Variants in NXPH1 observed in about 807,000 individuals in gnomAD.
NXPH1 encodes the protein neurexophilin 1, also known as neurexophilin-1.
A neutral mutation model predicts 23.7 loss-of-function variants in NXPH1; 5 were observed. That is an observed-to-expected ratio of 0.21 (90% CI 0.11 to 0.44). NXPH1 has a LOEUF of 0.44. Ranked by LOEUF, NXPH1 falls within the 20% of genes least tolerant of loss-of-function variation. The pLI is 0.99. For missense variants in NXPH1, 324 were observed against 321.6 expected (o/e 1.01, Z -0.06); for synonymous variants, 144 against 122.2 (o/e 1.18, Z -1.18).
chr7:8,474,295 A>G (rs1816929772), intron 2 of NXPH1, among the ~76,000 whole-genome samples: 1 of 152,214 alleles, frequency 6.6e-6, no homozygotes, highest in East Asian at 1.9e-4. Context: ...ATCAGTTTCT[A>G]TCAAATGGGT....
chr7:8,716,954 G>A (rs1779888375), intron 2 of NXPH1, among the ~76,000 whole-genome samples: 1 of 152,158 alleles, frequency 6.6e-6, no homozygotes, highest in Admixed American at 6.5e-5. Context: ...GTACAGCAGT[G>A]AGGCTCCAAG....
chr7:8,475,262 G>A (rs1224877951), intron 2 of NXPH1, among the ~76,000 whole-genome samples: 1 of 151,964 alleles, frequency 6.6e-6, no homozygotes, highest in Non-Finnish European at 1.5e-5. Flanking sequence ...TTTGAACCCT[G>A]CTGCTTGGTG....
chr7:8,502,734 G>T (rs1382978986), intron 2 of NXPH1, among the ~76,000 whole-genome samples: 2 of 151,556 alleles, frequency 1.3e-5, no homozygotes, highest in Non-Finnish European at 2.9e-5. Flanking sequence ...TCATTAGGAA[G>T]TGCATAATCA....
At chr7:8,584,727 G>T (rs754434296) in intron 2 of NXPH1, among the ~76,000 whole-genome samples, 3 of 152,194 alleles carry the variant, frequency 2.0e-5, no homozygotes, top group African/African-American at 4.8e-5. Flanking sequence ...GGAGATGGTT[G>T]TTAAGGTTTG....
intron 2 of NXPH1, among the ~76,000 whole-genome samples, chr7:8,515,190 G>A (rs1199866477): frequency 6.6e-6 from 1 of 152,088 alleles, no homozygotes; most frequent in Non-Finnish European, 1.5e-5. Context: ...TCCCATGGGG[G>A]ATGATTGTAA....
At chr7:8,609,312 G>A (rs1247800848) in intron 2 of NXPH1, among the ~76,000 whole-genome samples, 1 of 152,048 alleles carries the variant, frequency 6.6e-6, no homozygotes, top group Non-Finnish European at 1.5e-5. Context: ...ATTATGGCAG[G>A]CACTATACGT....
At chr7:8,492,623 G>T (rs377450737) in intron 2 of NXPH1, among the ~76,000 whole-genome samples, 1 of 152,018 alleles carries the variant, frequency 6.6e-6, no homozygotes, top group Non-Finnish European at 1.5e-5. Flanking sequence ...AACTTCATAT[G>T]CTTTAATATG....
chr7:8,552,362 C>T lies in NXPH1; in HGVS notation c.54+116595C>T, dbSNP rs190984426. The stretch of plus-strand genomic sequence containing the variant: ...TAGCACTTTGTTTGAATGAAAATGG[C>T]TGTCTTAATTTTTTTTTCTTTTCTT... On this transcript the variant is annotated intron_variant, in intron 2 of 2. Coordinates refer to ENST00000405863, the MANE Select transcript of NXPH1 (RefSeq NM_152745.3). Among the ~76,000 whole-genome samples, 18 of 151,440 alleles carry T rather than the reference C, an allele frequency of 1.2e-4. No individual in the cohort carries two copies. In the East Asian group the frequency reaches 3.3e-3, roughly 28 times the overall value.
chr7:8,522,773 C>T (rs1055323604), intron 2 of NXPH1, among the ~76,000 whole-genome samples: 16 of 152,316 alleles, frequency 1.1e-4, no homozygotes, highest in African/African-American at 3.4e-4. Context: ...TGCTTCCCAC[C>T]TCTAGGTCCA....
chr7:8,482,457 T>C (rs1817091236), intron 2 of NXPH1, among the ~76,000 whole-genome samples: 1 of 152,172 alleles, frequency 6.6e-6, no homozygotes, highest in South Asian at 2.1e-4. Flanking sequence ...CTTTAGGTTC[T>C]CTTTTGGGCT....
chr7:8,597,269 T>TA (rs1260106154), intron 2 of NXPH1, among the ~76,000 whole-genome samples: 1 of 151,996 alleles, frequency 6.6e-6, no homozygotes, highest in Non-Finnish European at 1.5e-5. Context: ...TTTTGGCCAT[T>TA]AAAGGGTAAA....
chr7:8,550,339 C>T (rs530704979), intron 2 of NXPH1, among the ~76,000 whole-genome samples: 131 of 151,660 alleles, frequency 8.6e-4, no homozygotes, highest in Middle Eastern at 3.4e-3. Context: ...GTAATAACTT[C>T]ACCAACAACC....
chr7:8,498,582 A>G (rs1339251741), intron 2 of NXPH1, among the ~76,000 whole-genome samples: 1 of 151,968 alleles, frequency 6.6e-6, no homozygotes, highest in East Asian at 1.9e-4. Context: ...TTCTTTTCAT[A>G]TTGAAAATAG....
At chr7:8,668,620 A>T (rs1443842666) in intron 2 of NXPH1, among the ~76,000 whole-genome samples, 3 of 150,224 alleles carry the variant, frequency 2.0e-5, no homozygotes, top group Non-Finnish European at 4.4e-5. Flanking sequence ...ACAAAGGCTG[A>T]TGTACTGGTG....
At chr7:8,687,018 GT>G (rs890010348) in intron 2 of NXPH1, among the ~76,000 whole-genome samples, 39 of 152,232 alleles carry the variant, frequency 2.6e-4, no homozygotes, top group African/African-American at 9.4e-4. Flanking sequence ...GTATGTCATT[GT>G]TCATATAATG....
chr7:8,604,152 A>G (rs1175205459), intron 2 of NXPH1, among the ~76,000 whole-genome samples: 1 of 152,162 alleles, frequency 6.6e-6, no homozygotes, highest in East Asian at 1.9e-4. Flanking sequence ...GGCATTTTCT[A>G]AGTCAGAATC....
rs377641506 is a variant in NXPH1 at position 8,710,788 on chromosome 7, C to G, written c.55-40220C>G. Among the ~76,000 whole-genome samples the G allele has an allele frequency of 3.3e-3, 458 of 137,768 alleles. 43 individuals carry two copies. The highest frequency in any genetic ancestry group is 8.7e-3 in the East Asian group (40 of 4,580). 90.4% of individuals were successfully genotyped at this position (137,768 alleles called of 152,430 possible). Reference sequence around the variant, plus strand: ...CGCCATTCTCCTGCCTCAGCCTCCCCAGTAGCTGGGACTACAGGCGCCCGC... The same window carrying G: ...CGCCATTCTCCTGCCTCAGCCTCCCGAGTAGCTGGGACTACAGGCGCCCGC... On this transcript the variant is annotated intron_variant, in intron 2 of 2. Transcript: ENST00000405863.
intron 2 of NXPH1, among the ~76,000 whole-genome samples, chr7:8,658,347 A>G (rs1820614549): frequency 1.3e-5 from 2 of 152,334 alleles, no homozygotes; most frequent in South Asian, 2.1e-4. Flanking sequence ...GTGTTTGATT[A>G]GTGAACACAT....
chr7:8,519,810 A>G (rs912377658), intron 2 of NXPH1, among the ~76,000 whole-genome samples: 1 of 152,196 alleles, frequency 6.6e-6, no homozygotes, highest in Non-Finnish European at 1.5e-5. Context: ...AGAAAAAAAT[A>G]TATATACACA....
Sources: gnomAD v4.1 joint callset for allele counts (sites outside exome capture counted in the v4.1 genomes callset) on GRCh38, gnomAD v4.1.1 for gene constraint, MANE v1.5 for transcripts, NCBI Gene and HGNC (gene_info 2026-07-23, HGNC 2026-07-21) for gene names.